The following ZNF589 variants were observed in gnomAD, a reference collection of about 807,000 sequenced individuals.
ZNF589 encodes zinc finger protein 589, also known as KRAB-zinc finger protein SZF1-1.
A neutral mutation model predicts 13.6 loss-of-function variants in ZNF589; 17 were observed. That is an observed-to-expected ratio of 1.25 (90% confidence interval 0.86 to 1.88). The LOEUF is 1.88. Among genes scored for constraint, ZNF589 ranks in the 40% most tolerant of loss-of-function variants. The pLI is 0.00. For synonymous variants in ZNF589, 148 were observed against 161.6 expected (o/e 0.92, Z 0.64); for missense variants, 407 against 434.0 (o/e 0.94, Z 0.55).
At chr3:48,267,892 G>T in intron 3 of ZNF589, 23 bp from the exon 4 acceptor site, 2 of 1,585,402 alleles carry the variant, frequency 1.3e-6, no homozygotes, top group South Asian at 2.3e-5. Flanking sequence ...TGACTCTTCT[G>T]ACTGGAAACT....
chr3:48,256,521 C>A, intron 2 of ZNF589: 3 of 630,122 alleles, frequency 4.8e-6, no homozygotes, highest in Non-Finnish European at 5.9e-6. Flanking sequence ...CCCTTTGGAA[C>A]AACTCCTTCA....
At position 48,269,405 on chromosome 3, in the gene ZNF589, C is replaced by A; in HGVS notation, c.*619C>A. ...AGGCTTTTGTGATAAATCAACTCTC[C>A]TCGCACACGAGCAGACACATTCAGG... is the stretch of plus-strand genomic sequence containing the variant. On this transcript the variant is annotated 3_prime_UTR_variant, in exon 4 of 4. Coordinates refer to ENST00000354698, the MANE Select transcript of ZNF589 (RefSeq NM_016089.3). 2.1e-6 allele frequency: 1 copy of A among 485,024 alleles called. No individual in the cohort carries two copies. The allele number at this position is 485,024 out of a possible 1,614,324, so 30.0% of individuals were successfully genotyped here.
intron 2 of ZNF589, chr3:48,256,720 GC>G: frequency 6.3e-7 from 1 of 1,591,056 alleles, no homozygotes; most frequent in Non-Finnish European, 8.6e-7. Flanking sequence ...GGTTCCAGTG[GC>G]AGATGGGGCA....
chr3:48,270,270 A>G lies in ZNF589; in HGVS notation c.*1484A>G, dbSNP rs777308519. On this transcript the variant is annotated 3_prime_UTR_variant, in exon 4 of 4. Transcript: ENST00000354698. ...TCCTAACCCTCCAGTCCCAAATCCA[A>G]GATTCTTTAACCACACTCTAAAAGT... 6.6e-6 allele frequency: 3 copies of G among 456,278 alleles called. No individual in the cohort carries two copies. Among genetic ancestry groups the G allele is most frequent in the Admixed American group, 2.4e-5 (1 of 42,464 alleles). The allele number at this position is 456,278 out of a possible 1,614,324, so 28.3% of individuals were successfully genotyped here.
chr3:48,265,758 C>T (rs1420948279), intron 3 of ZNF589, among the ~76,000 whole-genome samples: 2 of 152,022 alleles, frequency 1.3e-5, no homozygotes, highest in Admixed American at 6.6e-5. Context: ...CCTTGCCTGA[C>T]GATTAAATAA....
intron 1 of ZNF589, among the ~76,000 whole-genome samples, chr3:48,241,883 A>G (rs2033702439): frequency 6.6e-6 from 1 of 151,396 alleles, no homozygotes; most frequent in Admixed American, 6.6e-5. Context: ...GGCGGGATCT[A>G]GGCTCACTGC....
At position 48,269,859 on chromosome 3, in the gene ZNF589, G is replaced by C. The variant is rs1407122100; in HGVS notation, c.*1073G>C. The stretch of plus-strand genomic sequence containing the variant: ...GGACACACTCGGGAGAAACCTTCAT[G>C]GAGTGAGAGTAAGGTGTTGGCTGGA... On this transcript the variant is annotated 3_prime_UTR_variant, in exon 4 of 4. Transcript: ENST00000354698. 4 of 365,230 alleles carry C rather than the reference G, an allele frequency of 1.1e-5. No individual in the cohort carries two copies. Among genetic ancestry groups the C allele is most frequent in the African/African-American group, 8.5e-5 (4 of 46,870 alleles). The allele number at this position is 365,230 out of a possible 1,614,324, so 22.6% of individuals were successfully genotyped here.
intron 2 of ZNF589, among the ~76,000 whole-genome samples, chr3:48,248,740 A>G (rs764431343): frequency 6.6e-6 from 1 of 152,250 alleles, no homozygotes; most frequent in Non-Finnish European, 1.5e-5. Context: ...TGATGAAGAC[A>G]GCTAAAACTG....
chr3:48,246,708 G>C (rs183012221), intron 1 of ZNF589, among the ~76,000 whole-genome samples: 1 of 151,874 alleles, frequency 6.6e-6, no homozygotes, highest in African/African-American at 2.4e-5. Context: ...TCGCTCTGTC[G>C]CCCAGGCCGG....
At chr3:48,261,101 T>C (rs1015661278) in intron 3 of ZNF589, among the ~76,000 whole-genome samples, 162 bp downstream of exon 3, 2 of 152,072 alleles carry the variant, frequency 1.3e-5, no homozygotes, top group African/African-American at 4.8e-5. Context: ...AGACTGACAA[T>C]ATACAATAAG....
chr3:48,243,242 T>G (rs984698711), intron 1 of ZNF589, among the ~76,000 whole-genome samples: 1 of 151,846 alleles, frequency 6.6e-6, no homozygotes, highest in African/African-American at 2.4e-5. Context: ...AGCCCAGAAG[T>G]TTGAGACCAG....
At position 48,268,939 on chromosome 3, in the gene ZNF589, C is replaced by A; in HGVS notation, c.*153C>A. On this transcript the variant is annotated 3_prime_UTR_variant, in exon 4 of 4. Coordinates refer to ENST00000354698, the MANE Select transcript of ZNF589 (RefSeq NM_016089.3). ...GGACACATTCAGAGGTGAAACCTCA[C>A]GTGTGTGAGGAGTGTGGGCATGGAT... 1 of 1,114,782 alleles carries A rather than the reference C, an allele frequency of 9.0e-7. No homozygotes were observed. Among genetic ancestry groups the A allele is most frequent in the Non-Finnish European group, 1.3e-6 (1 of 779,248 alleles). 69.1% of individuals were successfully genotyped at this position (1,114,782 alleles called of 1,614,324 possible).
intron 2 of ZNF589, chr3:48,256,396 A>T: frequency 1.8e-6 from 1 of 566,220 alleles, no homozygotes; most frequent in Non-Finnish European, 3.5e-6. Context: ...ATTGTCCCTC[A>T]GGAGGGTTGA....
chr3:48,254,352 A>G (rs2106838655), intron 2 of ZNF589, among the ~76,000 whole-genome samples: 1 of 152,300 alleles, frequency 6.6e-6, no homozygotes. Flanking sequence ...TTTTGCCCAT[A>G]CCACACTGTC....
intron 2 of ZNF589, among the ~76,000 whole-genome samples, chr3:48,258,357 T>C (rs1296844214): frequency 1.3e-5 from 2 of 152,230 alleles, no homozygotes; most frequent in Non-Finnish European, 2.9e-5. Context: ...GATGGATTTT[T>C]ATGTGTTCAT....
chr3:48,248,098 A>T (rs1483809961), intron 2 of ZNF589, among the ~76,000 whole-genome samples: 1 of 152,152 alleles, frequency 6.6e-6, no homozygotes, highest in African/African-American at 2.4e-5. Context: ...AAAAGAGTTA[A>T]CTCTTCTGTA....
At position 48,268,338 on chromosome 3, in the gene ZNF589, C is replaced by T. The variant is rs11718329; in HGVS notation, c.647C>T (p.Thr216Met). ...RAETPGFGAV[T>M]FGECALAFNQ... ...GAAACCCCAGGGTTTGGAGCAGTCACGTTTGGGGAGTGTGCACTAGCTTTT... is the reference window on the plus strand; with the variant it reads ...GAAACCCCAGGGTTTGGAGCAGTCATGTTTGGGGAGTGTGCACTAGCTTTT... Residue 216 changes from threonine to methionine, a missense_variant, in exon 4 of 4, where the codon ACG becomes ATG. Coordinates refer to ENST00000354698, the MANE Select transcript of ZNF589 (RefSeq NM_016089.3). 45 of 1,613,984 alleles carry T rather than the reference C, an allele frequency of 2.8e-5. No homozygotes were observed. In the East Asian group the frequency reaches 3.8e-4, roughly 14 times the overall value.
chr3:48,259,737 C>A (rs2033948406), intron 2 of ZNF589, among the ~76,000 whole-genome samples: 1 of 151,928 alleles, frequency 6.6e-6, no homozygotes, highest in Non-Finnish European at 1.5e-5. Context: ...ATGGTGAAAT[C>A]CCATCGCTAC....
Position 48,268,673 on chromosome 3 carries a change from AG to A in ZNF589, c.985del (p.Glu329ArgfsTer42). 6.2e-7 allele frequency: 1 copy of A among 1,612,962 alleles called. No homozygotes were observed. Among genetic ancestry groups the A allele is most frequent in the Non-Finnish European group, 8.5e-7 (1 of 1,179,666 alleles). ...YLIRHQRTHT[R>X]EKSFMCTVCG... Reference sequence around the variant, plus strand: ...CATCAGACATCAGAGGACACACACAAGGGAGAAATCGTTTATGTGCACAGTG... The same window carrying A: ...CATCAGACATCAGAGGACACACACAAGGAGAAATCGTTTATGTGCACAGTG... On this transcript the variant is annotated frameshift_variant, in exon 4 of 4. Transcript: ENST00000354698. LOFTEE classifies it low-confidence loss of function (END_TRUNC).
Sources: allele counts gnomAD v4.1 joint callset (sites outside exome capture counted in the v4.1 genomes callset), GRCh38; gene constraint gnomAD v4.1.1; transcripts MANE v1.5; gene names NCBI Gene and HGNC (gene_info 2026-07-23, HGNC 2026-07-21).